RBFOX1: variants seen among roughly 807,000 people sequenced by gnomAD.
RBFOX1 encodes RNA binding protein fox-1 homolog 1.
RBFOX1 carries 8 observed loss-of-function variants against 57.7 expected under a neutral mutation model. The ratio of observed to expected loss-of-function variants is 0.14; its 90% CI spans 0.08 to 0.25. The LOEUF is 0.25. Ranked by LOEUF, RBFOX1 falls within the 10% of genes least tolerant of loss-of-function variation. The pLI is 1.00. For missense variants in RBFOX1, 611 were observed against 548.5 expected (o/e 1.11, Z -1.14); for synonymous variants, 326 against 222.4 (o/e 1.47, Z -4.15).
At chr16:6,557,178 CATAT>C (rs765191818) in intron 2 of RBFOX1, among the ~76,000 whole-genome samples, 12 of 144,252 alleles carry the variant, frequency 8.3e-5, no homozygotes, top group Non-Finnish European at 1.5e-4. Flanking sequence ...TATATATATA[CATAT>C]ATATAATAAA....
Position 5,815,294 on chromosome 16 carries a change from T to A in RBFOX1, c.319-52009T>A, listed in dbSNP as rs1054570382. Among the ~76,000 whole-genome samples, 8 of 151,558 alleles carry A rather than the reference T, an allele frequency of 5.3e-5. No homozygotes were observed. In the East Asian group the frequency reaches 1.4e-3, roughly 26 times the overall value. On this transcript the variant is annotated intron_variant, in intron 3 of 19. Transcript: ENST00000641259. ...CAGGTGTGAGCCATCGTGCCTGGCCTGATTTCCTTTCCAATGTCTTGATCA... is the reference window on the plus strand; with the variant it reads ...CAGGTGTGAGCCATCGTGCCTGGCCAGATTTCCTTTCCAATGTCTTGATCA...
chr16:5,443,639 C>G (rs1281835648), intron 1 of RBFOX1, among the ~76,000 whole-genome samples: 1 of 152,140 alleles, frequency 6.6e-6, no homozygotes, highest in African/African-American at 2.4e-5. Context: ...CACACCTGGC[C>G]CATCTGAATT....
chr16:6,379,747 T>C (rs183343566), intron 2 of RBFOX1, among the ~76,000 whole-genome samples: 1 of 148,538 alleles, frequency 6.7e-6, no homozygotes, highest in East Asian at 2.0e-4. Context: ...CAGAGACAGG[T>C]GGCTTTGAGG....
intron 3 of RBFOX1, among the ~76,000 whole-genome samples, chr16:6,888,518 C>A (rs969165884): frequency 1.3e-5 from 2 of 152,140 alleles, no homozygotes; most frequent in Non-Finnish European, 2.9e-5. Context: ...TCTCTGTCTA[C>A]CGAGAAATTT....
intron 3 of RBFOX1, among the ~76,000 whole-genome samples, chr16:6,857,855 C>G (rs2058192593): frequency 6.6e-6 from 1 of 152,184 alleles, no homozygotes; most frequent in South Asian, 2.1e-4. Flanking sequence ...TCTTCATGCT[C>G]AGTTACCATT....
At chr16:7,666,864 T>C (rs1023352698) in intron 13 of RBFOX1, among the ~76,000 whole-genome samples, 1 of 152,186 alleles carries the variant, frequency 6.6e-6, no homozygotes, top group African/African-American at 2.4e-5. Flanking sequence ...ATTCATCATG[T>C]TTGGGCCAAG....
chr16:6,926,709 G>A (rs1021532710), intron 3 of RBFOX1, among the ~76,000 whole-genome samples: 3 of 152,124 alleles, frequency 2.0e-5, no homozygotes, highest in East Asian at 1.9e-4. Context: ...TCTTCTTCCC[G>A]TTAATTCGTT....
At chr16:5,626,823 C>T (rs2048363348) in intron 3 of RBFOX1, among the ~76,000 whole-genome samples, 1 of 151,814 alleles carries the variant, frequency 6.6e-6, no homozygotes, top group Non-Finnish European at 1.5e-5. Flanking sequence ...CCCTTCTGAG[C>T]ACATTTGAGC....
intron 4 of RBFOX1, among the ~76,000 whole-genome samples, chr16:5,965,537 A>G (rs1435309634): frequency 1.3e-5 from 2 of 152,198 alleles, no homozygotes; most frequent in Non-Finnish European, 2.9e-5. Context: ...CTTCACCTAC[A>G]AAAGAACCAG....
intron 1 of RBFOX1, among the ~76,000 whole-genome samples, chr16:5,340,973 C>T (rs2065019215): frequency 6.6e-6 from 1 of 152,084 alleles, no homozygotes; most frequent in Admixed American, 6.6e-5. Flanking sequence ...AAAAAGATGA[C>T]ATTTAAGCAG....
At chr16:7,683,219 A>C (rs966140051) in intron 14 of RBFOX1, among the ~76,000 whole-genome samples, 1 of 149,048 alleles carries the variant, frequency 6.7e-6, no homozygotes, top group African/African-American at 2.5e-5. Context: ...TAATTTTTTA[A>C]AATTGGGTTT....
chr16:7,304,520 C>T (rs2096124215), intron 4 of RBFOX1: 2 of 985,216 alleles, frequency 2.0e-6, no homozygotes, highest in Admixed American at 6.1e-5. Flanking sequence ...GGCTGCTTTC[C>T]TGGGGCTGGG....
At chr16:6,358,495 C>T (rs927802971) in intron 2 of RBFOX1, among the ~76,000 whole-genome samples, 15 of 151,876 alleles carry the variant, frequency 9.9e-5, no homozygotes, top group African/African-American at 3.4e-4. Flanking sequence ...CTAATTAATC[C>T]CATAGATAAA....
rs2092782327 is a variant in RBFOX1, at chr16:7,001,398, T to TGTATATGTATA, written c.-15-50659_-15-50658insGTATATGTATA. On this transcript the variant is annotated intron_variant, in intron 3 of 15. Transcript: ENST00000550418. ...TGTGTATGTGTATGTGTATGTGTATTTGTATATGTATATGTATATGTATAT... is the reference window on the plus strand; with the variant it reads ...TGTGTATGTGTATGTGTATGTGTATTGTATATGTATATGTATATGTATATGTATATGTATAT... 1.0e-3 allele frequency among the ~76,000 whole-genome samples: 103 copies of TGTATATGTATA among 100,934 alleles called. 2 individuals are homozygous for TGTATATGTATA. Among genetic ancestry groups the TGTATATGTATA allele is most frequent in the Non-Finnish European group, 4.2e-4 (20 of 47,502 alleles). 66.2% of individuals were successfully genotyped at this position (100,934 alleles called of 152,430 possible).
At chr16:6,979,129 A>C (rs541800053) in intron 3 of RBFOX1, among the ~76,000 whole-genome samples, 3 of 152,354 alleles carry the variant, frequency 2.0e-5, no homozygotes, top group Non-Finnish European at 2.9e-5. Context: ...AATTGTACCA[A>C]AAATCAGACC....
chr16:5,773,304 C>G (rs938757117), intron 3 of RBFOX1, among the ~76,000 whole-genome samples: 2 of 152,194 alleles, frequency 1.3e-5, no homozygotes, highest in Admixed American at 1.3e-4. Flanking sequence ...GCTCCTTCCT[C>G]AGTGGTAAGT....
intron 3 of RBFOX1, among the ~76,000 whole-genome samples, chr16:5,686,952 A>C (rs2050523312): frequency 6.6e-6 from 1 of 152,168 alleles, no homozygotes; most frequent in South Asian, 2.1e-4. Flanking sequence ...TCTTTGTAGA[A>C]AATTCAGAAA....
At chr16:5,705,507 C>T (rs1398373230) in intron 3 of RBFOX1, among the ~76,000 whole-genome samples, 1 of 152,218 alleles carries the variant, frequency 6.6e-6, no homozygotes, top group East Asian at 1.9e-4. Flanking sequence ...AAGCAAGGAT[C>T]TCTCAGCTTT....
intron 1 of RBFOX1, among the ~76,000 whole-genome samples, chr16:5,358,066 A>G (rs1227000719): frequency 6.6e-6 from 1 of 152,092 alleles, no homozygotes; most frequent in East Asian, 1.9e-4. Context: ...TCCGAGACCA[A>G]GATGTCGGCA....
Sources: gnomAD v4.1 joint callset for allele counts (sites outside exome capture counted in the v4.1 genomes callset) on GRCh38, gnomAD v4.1.1 for gene constraint, MANE v1.5 for transcripts, NCBI Gene and HGNC (gene_info 2026-07-23, HGNC 2026-07-21) for gene names.